The following CNTN5 variants were observed in gnomAD, a reference collection of about 807,000 sequenced individuals.
CNTN5 encodes the protein contactin-5.
Under a neutral mutation model 129.1 loss-of-function variants are expected in CNTN5, and 77 were observed. The observed-to-expected ratio is 0.60, with a 90% confidence interval of 0.50 to 0.72. The LOEUF (loss-of-function observed/expected upper bound fraction) is 0.72. Among genes scored for constraint, CNTN5 ranks in the 30% least tolerant of loss-of-function variants. CNTN5 has a pLI of 0.00. For missense variants in CNTN5, 1,478 were observed against 1,328.8 expected (o/e 1.11, Z -1.75); for synonymous variants, 509 against 465.6 (o/e 1.09, Z -1.20).
intron 15 of CNTN5, among the ~76,000 whole-genome samples, chr11:100,221,261 G>A (rs1425020483): frequency 1.3e-5 from 2 of 152,172 alleles, no homozygotes; most frequent in Non-Finnish European, 2.9e-5. Flanking sequence ...TGAATGTAAG[G>A]TTGGTGTTGT....
intron 15 of CNTN5, among the ~76,000 whole-genome samples, chr11:100,200,722 T>C (rs1035812380): frequency 2.0e-5 from 3 of 151,850 alleles, no homozygotes; most frequent in Admixed American, 6.6e-5. Context: ...CCAGCTAGGA[T>C]ATTTTAGGTT....
intron 2 of CNTN5, among the ~76,000 whole-genome samples, chr11:99,482,201 C>A (rs1471799511): frequency 1.3e-5 from 2 of 152,058 alleles, no homozygotes; most frequent in Non-Finnish European, 2.9e-5. Context: ...CAAAGGGATG[C>A]AATGAAAGAT....
At chr11:99,843,422 A>T (rs1198942938) in intron 4 of CNTN5, among the ~76,000 whole-genome samples, 1 of 152,248 alleles carries the variant, frequency 6.6e-6, no homozygotes, top group East Asian at 1.9e-4. Flanking sequence ...GTTCTTCTAA[A>T]TATAAGGTGT....
intron 1 of CNTN5, among the ~76,000 whole-genome samples, chr11:99,271,901 C>T (rs1380790945): frequency 6.6e-6 from 1 of 151,870 alleles, no homozygotes; most frequent in Admixed American, 6.6e-5. Flanking sequence ...GGAAGTCACA[C>T]TCAAGCATTT....
chr11:100,046,946 A>G (rs1942713632), intron 9 of CNTN5, among the ~76,000 whole-genome samples: 1 of 152,190 alleles, frequency 6.6e-6, no homozygotes. Context: ...GGAGAAATCC[A>G]AGATGATCAC....
intron 1 of CNTN5, among the ~76,000 whole-genome samples, chr11:99,152,256 A>G (rs1279641923): frequency 6.6e-6 from 1 of 152,232 alleles, no homozygotes; most frequent in African/African-American, 2.4e-5. Context: ...TTCTGTTTAT[A>G]GTATAGCAAC....
At chr11:99,856,136 G>T (rs1004030684) in intron 6 of CNTN5, among the ~76,000 whole-genome samples, 4 of 152,150 alleles carry the variant, frequency 2.6e-5, no homozygotes, top group African/African-American at 9.7e-5. Flanking sequence ...CATGGCCTCA[G>T]TTCCTAGGTG....
intron 7 of CNTN5, among the ~76,000 whole-genome samples, chr11:99,939,205 A>G (rs1950380358): frequency 6.6e-6 from 1 of 152,130 alleles, no homozygotes; most frequent in African/African-American, 2.4e-5. Flanking sequence ...TTTTCTATTT[A>G]GTTCAGATCA....
intron 1 of CNTN5, among the ~76,000 whole-genome samples, chr11:99,168,458 T>C (rs1308414454): frequency 6.6e-6 from 1 of 152,094 alleles, no homozygotes; most frequent in Non-Finnish European, 1.5e-5. Flanking sequence ...CATGCACCTG[T>C]AGTCCCAGCT....
intron 1 of CNTN5, among the ~76,000 whole-genome samples, chr11:99,260,036 G>A (rs555267668): frequency 4.0e-5 from 6 of 151,582 alleles, no homozygotes; most frequent in African/African-American, 9.7e-5. Context: ...TACCTGAAGC[G>A]AAAATATTGT....
chr11:99,487,027 C>A (rs1318035147), intron 2 of CNTN5, among the ~76,000 whole-genome samples: 3 of 152,188 alleles, frequency 2.0e-5, no homozygotes, highest in African/African-American at 2.4e-5. Flanking sequence ...GAACACACTG[C>A]AACAACATGG....
In CNTN5 at chr11:100,350,689, T is replaced by TTATTACTC. The variant is rs775437886; in HGVS notation, c.3031-11_3031-4dup. 12 of 1,593,044 alleles carry TTATTACTC rather than the reference T, an allele frequency of 7.5e-6. No individual in the cohort carries two copies. The highest frequency in any genetic ancestry group is 1.0e-5 in the Non-Finnish European group (12 of 1,167,472). The stretch of plus-strand genomic sequence containing the variant: ...TTTCATATCAAATGTCTAAACCTTG[T>TTATTACTC]TATTACTCTCAGGTTTTTTATAGGC... On this transcript the variant is annotated splice_polypyrimidine_tract_variant and intron_variant, in intron 23 of 24. Coordinates refer to ENST00000524871, the MANE Select transcript of CNTN5 (RefSeq NM_014361.4).
At chr11:99,275,197 T>TAA (rs145944861) in intron 1 of CNTN5, among the ~76,000 whole-genome samples, 2,556 of 150,530 alleles carry the variant, frequency 0.017, 84 homozygotes, top group African/African-American at 0.059. Context: ...CATTGATATA[T>TAA]AAAAAAAAAC....
At chr11:99,349,837 A>G (rs1938164870) in intron 2 of CNTN5, among the ~76,000 whole-genome samples, 1 of 152,216 alleles carries the variant, frequency 6.6e-6, no homozygotes, top group Admixed American at 6.5e-5. Context: ...GGAAACTAAT[A>G]TTCTAGAATA....
chr11:99,078,809 G>A (rs1244261079), intron 1 of CNTN5, among the ~76,000 whole-genome samples: 3 of 152,056 alleles, frequency 2.0e-5, no homozygotes, highest in Admixed American at 6.6e-5. Flanking sequence ...AGTGAAATGG[G>A]GAGGGGGAAG....
At chr11:99,356,343 G>T (rs182663415) in intron 2 of CNTN5, among the ~76,000 whole-genome samples, 73 of 152,234 alleles carry the variant, frequency 4.8e-4, no homozygotes, top group African/African-American at 1.8e-3. Context: ...CTATGTGATT[G>T]ACACTCAGCA....
chr11:100,335,499 C>T (rs1266869987), intron 21 of CNTN5, among the ~76,000 whole-genome samples: 1 of 152,156 alleles, frequency 6.6e-6, no homozygotes, highest in South Asian at 2.1e-4. Context: ...TGGTCAGGCA[C>T]GGTGGCTCAC....
At chr11:99,237,897 G>A (rs1024322632) in intron 1 of CNTN5, among the ~76,000 whole-genome samples, 1 of 152,066 alleles carries the variant, frequency 6.6e-6, no homozygotes, top group Non-Finnish European at 1.5e-5. Flanking sequence ...CAAAGGCCAG[G>A]AAAAAGTCAA....
intron 7 of CNTN5, among the ~76,000 whole-genome samples, chr11:99,925,566 C>T (rs1289965809): frequency 6.6e-6 from 1 of 152,070 alleles, no homozygotes; most frequent in Non-Finnish European, 1.5e-5. Context: ...CTAAGCAACC[C>T]CTCATTCCCC....
Sources: allele counts gnomAD v4.1 joint callset (sites outside exome capture counted in the v4.1 genomes callset), GRCh38; gene constraint gnomAD v4.1.1; transcripts MANE v1.5; gene names NCBI Gene and HGNC (gene_info 2026-07-23, HGNC 2026-07-21).